Variants in GALNT7 observed in about 807,000 individuals in gnomAD.
The protein encoded by GALNT7 is N-acetylgalactosaminyltransferase 7.
GALNT7 carries 60 observed loss-of-function variants against 82.1 expected under a neutral mutation model. That is an observed-to-expected ratio of 0.73 (90% CI 0.59 to 0.91). The LOEUF is 0.91. Among genes scored for constraint, GALNT7 ranks in the 40% least tolerant of loss-of-function variants. The pLI is 0.00. For synonymous variants in GALNT7, 243 were observed against 275.1 expected (o/e 0.88, Z 1.15); for missense variants, 660 against 804.2 (o/e 0.82, Z 2.17).
At chr4:173,205,836 G>A (rs976335282) in intron 1 of GALNT7, among the ~76,000 whole-genome samples, 1 of 152,102 alleles carries the variant, frequency 6.6e-6, no homozygotes, top group South Asian at 2.1e-4. Flanking sequence ...CATGACTAGG[G>A]CTGCAGGGCC....
At chr4:173,237,340 G>A (rs114314425) in intron 1 of GALNT7, among the ~76,000 whole-genome samples, 1 of 152,190 alleles carries the variant, frequency 6.6e-6, no homozygotes, top group Non-Finnish European at 1.5e-5. Context: ...TGCAGTGGAG[G>A]AAGAGCCGTT....
chr4:173,295,757 T>G lies in GALNT7; in HGVS notation c.886-7T>G. 6.3e-7 allele frequency: 1 copy of G among 1,587,964 alleles called. No individual in the cohort carries two copies. The highest frequency in any genetic ancestry group is 8.6e-7 in the Non-Finnish European group (1 of 1,156,262). ...GAGTATTCTTTCACCTGCCTCTTTT[T>G]TTTAAGGTTTTGATATACCTTGATG... On this transcript the variant is annotated splice_polypyrimidine_tract_variant and splice_region_variant and intron_variant, in intron 4 of 11. Transcript: ENST00000265000.
Position 173,168,949 on chromosome 4 carries a change from G to A in GALNT7, c.114G>A (p.Leu38=), listed in dbSNP as rs551145784. Residue 38 remains leucine (L), a synonymous_variant, in exon 1 of 12, where the codon CTG becomes CTA. Coordinates refer to ENST00000265000, the MANE Select transcript of GALNT7 (RefSeq NM_017423.3). ...CGCGGCCGGACGACCCAAGCCCGCT[G>A]AGCAGGATGAGGGTGAGTGACCCGC... ...LTPRPDDPSP[L]SRMREDRDVN... is the part of the protein sequence containing the mutation. 1.2e-6 allele frequency: 2 copies of A among 1,613,604 alleles called. No individual in the cohort carries two copies. Among genetic ancestry groups the A allele is most frequent in the South Asian group, 2.2e-5 (2 of 91,080 alleles).
intron 2 of GALNT7, among the ~76,000 whole-genome samples, chr4:173,278,747 A>T (rs193195670): frequency 2.6e-5 from 4 of 152,360 alleles, no homozygotes; most frequent in Admixed American, 1.3e-4. Flanking sequence ...AAGGAATTAT[A>T]TCCAGACTAA....
chr4:173,297,970 C>G, intron 5 of GALNT7, 145 bp from the exon 6 acceptor site: 1 of 1,482,006 alleles, frequency 6.7e-7, no homozygotes, highest in Non-Finnish European at 8.9e-7. Flanking sequence ...TAAAACTGAA[C>G]CTTATCGGTA....
At chr4:173,229,418 A>G (rs1733949331) in intron 1 of GALNT7, among the ~76,000 whole-genome samples, 3 of 152,188 alleles carry the variant, frequency 2.0e-5, no homozygotes, top group African/African-American at 7.2e-5. Flanking sequence ...TTAGCATTTA[A>G]ATAGTCTACA....
chr4:173,208,967 T>C (rs1733187651), intron 1 of GALNT7, among the ~76,000 whole-genome samples: 1 of 152,260 alleles, frequency 6.6e-6, no homozygotes, highest in Non-Finnish European at 1.5e-5. Flanking sequence ...TGTTCATTTC[T>C]AGAATTTATT....
At chr4:173,311,862 A>G (rs975912490) in intron 8 of GALNT7, among the ~76,000 whole-genome samples, 16 of 152,212 alleles carry the variant, frequency 1.1e-4, no homozygotes, top group African/African-American at 3.6e-4. Context: ...TGTGACAACA[A>G]TGCATCTAGG....
At chr4:173,208,784 C>G (rs1733181177) in intron 1 of GALNT7, among the ~76,000 whole-genome samples, 1 of 152,206 alleles carries the variant, frequency 6.6e-6, no homozygotes, top group African/African-American at 2.4e-5. Flanking sequence ...CCATCTTGAG[C>G]TGAACATTGC....
At chr4:173,193,872 A>G (rs1732696831) in intron 1 of GALNT7, among the ~76,000 whole-genome samples, 1 of 152,212 alleles carries the variant, frequency 6.6e-6, no homozygotes, top group Admixed American at 6.5e-5. Context: ...GGCTTATAAA[A>G]TAGATGATTT....
At chr4:173,295,706 G>A (rs978526902) in intron 4 of GALNT7, 58 bp from the exon 5 acceptor site, 13 of 1,188,030 alleles carry the variant, frequency 1.1e-5, no homozygotes, top group Non-Finnish European at 1.5e-5. Context: ...TAAATTGTGT[G>A]TAATATATGA....
In GALNT7 at chr4:173,295,488, G is replaced by C; in HGVS notation, c.847G>C (p.Ala283Pro). The C allele has an allele frequency of 6.2e-7, 1 of 1,613,278 alleles. No individual in the cohort carries two copies. The highest frequency in any genetic ancestry group is 1.1e-5 in the South Asian group (1 of 91,066). ...RNERREGLIQ[A>P]RSIGAQKAKL... ...TGAAAGAAGGGAAGGTTTAATTCAA[G>C]CACGAAGTATTGGTGCTCAGAAGGC... The change falls in exon 4 of 12, where the codon GCA (alanine) becomes CCA (proline). Residue 283 changes from alanine (A) to proline (P), a missense_variant. By Grantham distance (27) the Ala-to-Pro change is conservative. Around this residue, in one of 2 missense-constraint regions of GALNT7, gnomAD observed 527 missense variants for 683.5 expected, o/e 0.77. Coordinates refer to ENST00000265000, the MANE Select transcript of GALNT7 (RefSeq NM_017423.3).
rs1269563991 is a variant in GALNT7, at chr4:173,217,417, T to G, written c.127-30563T>G. ...ATATTATGCATCCTACTTAGGTTAT[T>G]TTCACTTCATATGGTAATAGTCCAT... On this transcript the variant is annotated intron_variant, in intron 1 of 11. Coordinates refer to ENST00000265000, the MANE Select transcript of GALNT7 (RefSeq NM_017423.3). Among the ~76,000 whole-genome samples, 3 of 152,186 alleles carry G rather than the reference T, an allele frequency of 2.0e-5. No homozygotes were observed. The East Asian group carries it at 5.8e-4, about 29-fold the overall frequency.
intron 1 of GALNT7, among the ~76,000 whole-genome samples, chr4:173,207,697 TA>T (rs1733143577): frequency 6.6e-6 from 1 of 152,206 alleles, no homozygotes; most frequent in Non-Finnish European, 1.5e-5. Flanking sequence ...GGGAAGTAAC[TA>T]AGTTGCTCTC....
At chr4:173,311,588 T>A (rs1222857847) in intron 8 of GALNT7, among the ~76,000 whole-genome samples, 1 of 152,114 alleles carries the variant, frequency 6.6e-6, no homozygotes, top group Non-Finnish European at 1.5e-5. Flanking sequence ...TGCTACACAC[T>A]TTTCACCAAC....
At chr4:173,219,079 C>G (rs561314372) in intron 1 of GALNT7, among the ~76,000 whole-genome samples, 3 of 151,998 alleles carry the variant, frequency 2.0e-5, no homozygotes, top group African/African-American at 7.2e-5. Flanking sequence ...CACCTATCAT[C>G]TGAGCAATGT....
intron 2 of GALNT7, among the ~76,000 whole-genome samples, chr4:173,289,815 T>C (rs1050760968): frequency 9.2e-5 from 14 of 152,208 alleles, no homozygotes; most frequent in South Asian, 8.3e-4. Flanking sequence ...GTTTTTTTTT[T>C]CCCCAGGTTG....
rs191593703 is a variant in GALNT7, at chr4:173,224,809, C to G, written c.127-23171C>G. Among the ~76,000 whole-genome samples the G allele has an allele frequency of 4.4e-3, 664 of 151,568 alleles. 9 individuals are homozygous for G. Among genetic ancestry groups the G allele is most frequent in the African/African-American group, 0.014 (585 of 41,346 alleles). ...GGGCGGATCACGAGGTCAGGAGATC[C>G]AGACCATCCTGGCTAACACGGTGAA... On this transcript the variant is annotated intron_variant, in intron 1 of 11. Transcript: ENST00000265000.
intron 2 of GALNT7, among the ~76,000 whole-genome samples, chr4:173,272,553 C>G (rs1735766613): frequency 6.6e-6 from 1 of 152,164 alleles, no homozygotes; most frequent in Non-Finnish European, 1.5e-5. Flanking sequence ...CTCTTCGTGA[C>G]TCACTCGCCT....
Sources: gnomAD v4.1 joint callset for allele counts (sites outside exome capture counted in the v4.1 genomes callset) on GRCh38, gnomAD v4.1.1 for gene constraint, gnomAD v4.1.1 regional missense constraint, MANE v1.5 for transcripts, NCBI Gene and HGNC (gene_info 2026-07-23, HGNC 2026-07-21) for gene names.